Variants in SUGCT observed in about 807,000 individuals in gnomAD.
SUGCT encodes the protein succinyl-CoA:glutarate CoA-transferase.
A neutral mutation model predicts 55.0 loss-of-function variants in SUGCT; 41 were observed. The ratio of observed to expected loss-of-function variants is 0.74; its 90% CI spans 0.58 to 0.97. SUGCT has a LOEUF of 0.97. SUGCT is among the 50% of genes least tolerant of loss of function. SUGCT has a pLI of 0.00. For missense variants in SUGCT, 568 were observed against 547.8 expected (o/e 1.04, Z -0.37); for synonymous variants, 187 against 200.4 (o/e 0.93, Z 0.56).
intron 12 of SUGCT, among the ~76,000 whole-genome samples, chr7:40,739,619 C>A (rs1787361149): frequency 6.6e-6 from 1 of 151,942 alleles, no homozygotes; most frequent in Non-Finnish European, 1.5e-5. Flanking sequence ...CTTTTTTCCC[C>A]CCAGCTCCAG....
chr7:40,845,759 T>A (rs73689865), intron 13 of SUGCT, among the ~76,000 whole-genome samples: 14,961 of 152,212 alleles, frequency 0.098, 826 homozygotes, highest in Middle Eastern at 0.18. Context: ...GCAGCAGGTT[T>A]GGGGGGCCTA....
At chr7:40,823,048 C>T (rs548838325) in intron 13 of SUGCT, among the ~76,000 whole-genome samples, 1 of 152,204 alleles carries the variant, frequency 6.6e-6, no homozygotes, top group South Asian at 2.1e-4. Context: ...ATTGTGATGT[C>T]CCTCATAACT....
chr7:40,851,085 G>C (rs1449032159), intron 13 of SUGCT, among the ~76,000 whole-genome samples: 1 of 152,178 alleles, frequency 6.6e-6, no homozygotes, highest in Admixed American at 6.5e-5. Context: ...GGTTCAGTAA[G>C]TAAATTACCC....
intron 9 of SUGCT, among the ~76,000 whole-genome samples, chr7:40,320,902 C>T (rs188344614): frequency 8.5e-5 from 13 of 152,198 alleles, no homozygotes; most frequent in South Asian, 2.1e-4. Context: ...TAGTGTATGT[C>T]GTATCCAATA....
At chr7:40,984,170 G>C in the SUGCT span, among the ~76,000 whole-genome samples, 1 of 151,942 alleles carries the variant, frequency 6.6e-6, no homozygotes, top group African/African-American at 2.4e-5. Context: ...TTACATCAGG[G>C]TTCCTCCCAA....
chr7:40,269,935 A>G (rs1235769560), intron 7 of SUGCT, among the ~76,000 whole-genome samples: 5 of 152,168 alleles, frequency 3.3e-5, no homozygotes, highest in African/African-American at 1.2e-4. Flanking sequence ...CCAGGAGTTC[A>G]AGACCAGCCT....
intron 6 of SUGCT, among the ~76,000 whole-genome samples, chr7:40,201,818 A>G (rs981711640): frequency 6.6e-6 from 1 of 152,026 alleles, no homozygotes; most frequent in Non-Finnish European, 1.5e-5. Flanking sequence ...CCATACACAT[A>G]TAACAGATGT....
At chr7:40,723,964 G>A (rs1187156319) in intron 12 of SUGCT, among the ~76,000 whole-genome samples, 2 of 152,096 alleles carry the variant, frequency 1.3e-5, no homozygotes, top group Non-Finnish European at 2.9e-5. Context: ...TTCTCAAAAG[G>A]ATTCAAGGCA....
intron 12 of SUGCT, among the ~76,000 whole-genome samples, chr7:40,627,795 A>C (rs1388155535): frequency 6.6e-6 from 1 of 152,100 alleles, no homozygotes; most frequent in Non-Finnish European, 1.5e-5. Flanking sequence ...AAACAGCCTT[A>C]GGTTCCCTGC....
At chr7:40,720,786 T>C (rs1350264569) in intron 12 of SUGCT, among the ~76,000 whole-genome samples, 1 of 152,214 alleles carries the variant, frequency 6.6e-6, no homozygotes, top group Non-Finnish European at 1.5e-5. Flanking sequence ...ATGCATCCCT[T>C]ACGTATCATC....
chr7:40,725,036 C>T (rs913653320), intron 12 of SUGCT, among the ~76,000 whole-genome samples: 3 of 152,162 alleles, frequency 2.0e-5, no homozygotes, highest in African/African-American at 7.2e-5. Flanking sequence ...GGAGTGCTTG[C>T]TGAGACAGGA....
intron 1 of SUGCT, among the ~76,000 whole-genome samples, chr7:40,172,390 G>A (rs538691617): frequency 1.9e-3 from 288 of 152,232 alleles, no homozygotes; most frequent in Middle Eastern, 3.4e-3. Context: ...GGGCACCAGG[G>A]ACAAGACTCC....
At chr7:40,269,384 G>A (rs1401839543) in intron 7 of SUGCT, among the ~76,000 whole-genome samples, 1 of 151,952 alleles carries the variant, frequency 6.6e-6, no homozygotes, top group Admixed American at 6.6e-5. Flanking sequence ...GTGCAGTGGT[G>A]GAATCTCAGC....
the SUGCT span, among the ~76,000 whole-genome samples, chr7:40,980,904 C>T: frequency 7.9e-5 from 12 of 152,280 alleles, no homozygotes; most frequent in African/African-American, 2.6e-4. Context: ...TGCCATGTTG[C>T]TCAGGCTGGT....
chr7:40,749,387 T>G, intron 12 of SUGCT, 47 bp from the exon 13 acceptor site: 1 of 1,495,242 alleles, frequency 6.7e-7, no homozygotes, highest in Non-Finnish European at 9.3e-7. Context: ...CAATTGAAGA[T>G]GGTTTTATTT....
chr7:40,341,650 G>A (rs567535110), intron 9 of SUGCT, among the ~76,000 whole-genome samples: 3 of 152,150 alleles, frequency 2.0e-5, no homozygotes, highest in Non-Finnish European at 2.9e-5. Context: ...AGAAAGTGGC[G>A]GGGAGGATCC....
At chr7:40,226,452 A>C (rs890423936) in intron 6 of SUGCT, among the ~76,000 whole-genome samples, 4 of 152,196 alleles carry the variant, frequency 2.6e-5, no homozygotes, top group African/African-American at 9.7e-5. Context: ...TTTAGTTCTC[A>C]CAAGGGTACT....
intron 12 of SUGCT, among the ~76,000 whole-genome samples, chr7:40,685,211 A>C (rs543044846): frequency 9.2e-5 from 14 of 152,016 alleles, no homozygotes; most frequent in African/African-American, 3.1e-4. Context: ...ACACTGCTTA[A>C]TTTTCTGTGT....
chr7:40,672,747 C>T (rs1470256013), intron 12 of SUGCT, among the ~76,000 whole-genome samples: 2 of 152,100 alleles, frequency 1.3e-5, no homozygotes, highest in African/African-American at 4.8e-5. Flanking sequence ...TGTCGGAGCT[C>T]TGTATTATTT....
Sources: allele counts gnomAD v4.1 joint callset (sites outside exome capture counted in the v4.1 genomes callset), GRCh38; gene constraint gnomAD v4.1.1; transcripts MANE v1.5; gene names NCBI Gene and HGNC (gene_info 2026-07-23, HGNC 2026-07-21).